RIMS3: variants seen among roughly 807,000 people sequenced by gnomAD.
The protein encoded by RIMS3 is regulating synaptic membrane exocytosis 3, also known as regulating synaptic membrane exocytosis protein 3.
Under a neutral mutation model 29.2 loss-of-function variants are expected in RIMS3, and 15 were observed. The ratio of observed to expected loss-of-function variants is 0.51; its 90% CI spans 0.34 to 0.79. The LOEUF is 0.79. Among genes scored for constraint, RIMS3 ranks in the 30% least tolerant of loss-of-function variants. The pLI is 0.01. For synonymous variants in RIMS3, 161 were observed against 170.1 expected, an observed-to-expected ratio of 0.95 and a Z score of 0.41; for missense variants, 342 against 421.4, an observed-to-expected ratio of 0.81 and a Z score of 1.65.
the RIMS3 span, among the ~76,000 whole-genome samples, chr1:40,672,893 A>G: frequency 6.7e-6 from 1 of 149,734 alleles, no homozygotes; most frequent in Non-Finnish European, 1.5e-5. Context: ...AAGGCCGGGC[A>G]TGGTGGATTA....
chr1:40,672,626 G>A, the RIMS3 span, among the ~76,000 whole-genome samples: 1 of 152,172 alleles, frequency 6.6e-6, no homozygotes, highest in South Asian at 2.1e-4. Flanking sequence ...CTCCTTGGAG[G>A]CTATTTGTTA....
chr1:40,626,421 G>C lies in RIMS3; in HGVS notation c.*96C>G. On this transcript the variant is annotated 3_prime_UTR_variant, in exon 8 of 8. Coordinates refer to ENST00000372684, the MANE Select transcript of RIMS3 (RefSeq NM_014747.3). The stretch of plus-strand genomic sequence containing the variant: ...AGCCAACAGGCATGCAGCAGGACAA[G>C]GGGTCCAGAAAGACACGAAGACTAT... 8.7e-7 allele frequency: 1 copy of C among 1,152,058 alleles called. No individual in the cohort carries two copies. The highest frequency in any genetic ancestry group is 1.3e-5 in the South Asian group (1 of 75,778). The allele number at this position is 1,152,058 out of a possible 1,614,324, so 71.4% of individuals were successfully genotyped here. A position where few individuals can be genotyped will look rare whatever the true frequency, so the allele number is the denominator to read the frequency against.
At chr1:40,661,888 GC>G (rs947357276) in intron 1 of RIMS3, among the ~76,000 whole-genome samples, 1 of 152,202 alleles carries the variant, frequency 6.6e-6, no homozygotes, top group Non-Finnish European at 1.5e-5. Flanking sequence ...CAAGGGCTGA[GC>G]TTTGTCAACA....
rs974518007 is a variant in RIMS3, at chr1:40,625,312, A to G, written c.*1205T>C. 6.5e-6 allele frequency: 1 copy of G among 152,878 alleles called. No homozygotes were observed. The highest frequency in any genetic ancestry group is 1.5e-5 in the Non-Finnish European group (1 of 68,284). The allele number at this position is 152,878 out of a possible 1,614,324, so 9.5% of individuals were successfully genotyped here. A position where few individuals can be genotyped will look rare whatever the true frequency, so the allele number is the denominator to read the frequency against. ...AGCAGGGAAGCCCGGAGGGGTAAGT[A>G]TTGCTTAGACAGAGCTGGTGATGGT... On this transcript the variant is annotated 3_prime_UTR_variant, in exon 8 of 8. Transcript: ENST00000372684.
chr1:40,653,480 C>G (rs988393022), intron 1 of RIMS3, among the ~76,000 whole-genome samples: 9 of 152,032 alleles, frequency 5.9e-5, no homozygotes, highest in Non-Finnish European at 2.9e-5. Flanking sequence ...AGGGCGGCAC[C>G]CTGACTCCCT....
intron 5 of RIMS3, among the ~76,000 whole-genome samples, chr1:40,631,506 C>T (rs367916494): frequency 6.6e-6 from 1 of 152,154 alleles, no homozygotes; most frequent in South Asian, 2.1e-4. Context: ...AACCCCGTCT[C>T]TACTAAAATA....
At chr1:40,680,234 A>G in the RIMS3 span, among the ~76,000 whole-genome samples, 3 of 152,126 alleles carry the variant, frequency 2.0e-5, no homozygotes, top group African/African-American at 7.2e-5. Context: ...TACAAGCATC[A>G]TGGAAAACTC....
upstream of RIMS3, among the ~76,000 whole-genome samples, chr1:40,668,879 G>A (rs542211710): frequency 3.3e-5 from 5 of 152,318 alleles, no homozygotes; most frequent in African/African-American, 1.2e-4. Context: ...CGAGCAGGAG[G>A]GATGGCTGGG....
intron 3 of RIMS3, among the ~76,000 whole-genome samples, chr1:40,640,249 C>T (rs922697028): frequency 6.6e-6 from 1 of 152,096 alleles, no homozygotes; most frequent in African/African-American, 2.4e-5. Flanking sequence ...TTCTAGATCC[C>T]TAAGTCCCCA....
chr1:40,660,596 T>C (rs512203), intron 1 of RIMS3, among the ~76,000 whole-genome samples: 18,850 of 151,732 alleles, frequency 0.12, 1,283 homozygotes, highest in African/African-American at 0.15. Flanking sequence ...CCCAGGCTGG[T>C]CTTGAACTCC....
intron 5 of RIMS3, among the ~76,000 whole-genome samples, chr1:40,630,352 T>A (rs1646482196): frequency 6.6e-6 from 1 of 152,192 alleles, no homozygotes; most frequent in South Asian, 2.1e-4. Context: ...TGTTCAACAT[T>A]GGTTGGCAGA....
At chr1:40,666,560 T>C (rs1035038722), upstream of RIMS3, among the ~76,000 whole-genome samples, 2 of 152,196 alleles carry the variant, frequency 1.3e-5, no homozygotes, top group African/African-American at 4.8e-5. Flanking sequence ...GTATGAAGTC[T>C]TTCCTAGGGT....
At chr1:40,668,895 G>A (rs1466962909), upstream of RIMS3, among the ~76,000 whole-genome samples, 2 of 152,228 alleles carry the variant, frequency 1.3e-5, no homozygotes, top group African/African-American at 2.4e-5. Context: ...CTGGGGCTGT[G>A]AGAGTCGAGA....
the RIMS3 span, chr1:40,691,884 G>C: frequency 2.6e-6 from 1 of 383,550 alleles, no homozygotes; most frequent in South Asian, 1.7e-5. Context: ...GAGTGTGCGG[G>C]AGTTTCTGTG....
intron 6 of RIMS3, 145 bp downstream of exon 6, chr1:40,629,126 C>T (rs1314945191): frequency 3.9e-6 from 4 of 1,037,994 alleles, no homozygotes; most frequent in South Asian, 2.8e-5. Context: ...CCCTTACTCC[C>T]CCACCTAGTC....
the RIMS3 span, among the ~76,000 whole-genome samples, chr1:40,672,702 A>G: frequency 5.3e-5 from 8 of 152,246 alleles, no homozygotes; most frequent in Admixed American, 3.3e-4. Flanking sequence ...GTGGAAGGGT[A>G]AATAAGACCT....
chr1:40,676,352 A>T, the RIMS3 span, among the ~76,000 whole-genome samples: 4 of 152,308 alleles, frequency 2.6e-5, no homozygotes, highest in South Asian at 8.3e-4. Flanking sequence ...TGAGTTCAGT[A>T]TTAGTTACAG....
intron 3 of RIMS3, among the ~76,000 whole-genome samples, chr1:40,638,401 C>A (rs1369382197): frequency 6.6e-6 from 1 of 152,172 alleles, no homozygotes; most frequent in Non-Finnish European, 1.5e-5. Context: ...AGTCTCAACC[C>A]CTGCTGATTT....
At chr1:40,641,605 T>C in intron 3 of RIMS3, 104 bp downstream of exon 3, 1 of 1,108,154 alleles carries the variant, frequency 9.0e-7, no homozygotes, top group Non-Finnish European at 1.3e-6. Context: ...ACAGTATAAG[T>C]GTCTGTGGGC....
Sources: gnomAD v4.1 joint callset for allele counts (sites outside exome capture counted in the v4.1 genomes callset) on GRCh38, gnomAD v4.1.1 for gene constraint, MANE v1.5 for transcripts, NCBI Gene and HGNC (gene_info 2026-07-23, HGNC 2026-07-21) for gene names.